FXN: variants seen among roughly 807,000 people sequenced by gnomAD.
FXN encodes the protein frataxin, mitochondrial.
Under a neutral mutation model 22.4 loss-of-function variants are expected in FXN, and 14 were observed. The ratio of observed to expected loss-of-function variants is 0.62; its 90% CI spans 0.41 to 0.98. FXN has a LOEUF of 0.98. Among genes scored for constraint, FXN ranks in the 50% least tolerant of loss-of-function variants. The pLI, the probability that FXN is intolerant of heterozygous loss-of-function variation, is 0.00. For synonymous variants in FXN, 120 were observed against 114.1 expected (o/e 1.05, Z -0.33); for missense variants, 267 against 268.4 (o/e 0.99, Z 0.04).
In FXN at chr9:69,072,623, G is replaced by A. The variant is rs143396368; in HGVS notation, c.494G>A (p.Arg165His). Residue 165 changes from arginine (R) to histidine (H), a missense_variant, in exon 5 of 5, where the codon CGT becomes CAT. By Grantham distance (29) the Arg-to-His change is conservative. Coordinates refer to ENST00000484259, the MANE Select transcript of FXN (RefSeq NM_000144.5). ...WLSSPSSGPK[R>H]YDWTGKNWVY... ...GTTTTGTCTTCCAGTGGACCTAAGC[G>A]TTATGACTGGACTGGGAAAAACTGG... 32 of 1,613,992 alleles carry A rather than the reference G, an allele frequency of 2.0e-5. No homozygotes were observed. Among genetic ancestry groups the A allele is most frequent in the Admixed American group, 5.0e-5 (3 of 60,004 alleles).
intron 3 of FXN, among the ~76,000 whole-genome samples, chr9:69,058,928 C>T (rs1417550119): frequency 6.6e-6 from 1 of 152,018 alleles, no homozygotes; most frequent in Non-Finnish European, 1.5e-5. Flanking sequence ...CTTAGCCGGG[C>T]GTGGTGGCAG....
chr9:69,056,685 A>C (rs1208888423), intron 3 of FXN, among the ~76,000 whole-genome samples: 1 of 151,948 alleles, frequency 6.6e-6, no homozygotes. Context: ...TGCTGAAACC[A>C]CTAAAAAGGA....
In FXN at chr9:69,074,352, A is replaced by G; in HGVS notation, c.*1590A>G. 2.0e-6 allele frequency: 2 copies of G among 985,250 alleles called. No homozygotes were observed. The highest frequency in any genetic ancestry group is 1.0e-3 in the Middle Eastern group (2 of 1,912). 61.0% of individuals were successfully genotyped at this position (985,250 alleles called of 1,614,324 possible). A position where few individuals can be genotyped will look rare whatever the true frequency, so the allele number is the denominator to read the frequency against. ...ATTCATGCAAAGTTATGCTCATGTT[A>G]TATTATTTTCTTACTTAAAGAAGGA... On this transcript the variant is annotated 3_prime_UTR_variant, in exon 5 of 5. Coordinates refer to ENST00000484259, the MANE Select transcript of FXN (RefSeq NM_000144.5).
intron 1 of FXN, among the ~76,000 whole-genome samples, chr9:69,043,110 G>A (rs1459621993): frequency 6.6e-6 from 1 of 152,164 alleles, no homozygotes; most frequent in Non-Finnish European, 1.5e-5. Context: ...AAAGATGTGT[G>A]CAGAGCGGCA....
intron 2 of FXN, among the ~76,000 whole-genome samples, chr9:69,052,789 G>A (rs1831877067): frequency 6.6e-6 from 1 of 151,726 alleles, no homozygotes; most frequent in Admixed American, 6.6e-5. Context: ...TTATCTGCCT[G>A]CCTCGGCCTC....
At position 69,075,133 on chromosome 9, in the gene FXN, G is replaced by C; in HGVS notation, c.*2371G>C. 4.1e-6 allele frequency: 4 copies of C among 985,304 alleles called. No individual in the cohort carries two copies. Among genetic ancestry groups the C allele is most frequent in the Non-Finnish European group, 4.8e-6 (4 of 829,944 alleles). 61.0% of individuals were successfully genotyped at this position (985,304 alleles called of 1,614,324 possible). ...TAGCTCTAATTGGTTTGATTATCTCGTTCCCAAGGCAGTGGGAGATCCCCA... is the reference window on the plus strand; with the variant it reads ...TAGCTCTAATTGGTTTGATTATCTCCTTCCCAAGGCAGTGGGAGATCCCCA... On this transcript the variant is annotated 3_prime_UTR_variant, in exon 5 of 5. Transcript: ENST00000484259.
chr9:69,050,872 C>T (rs1202036240), intron 2 of FXN, among the ~76,000 whole-genome samples: 1 of 152,098 alleles, frequency 6.6e-6, no homozygotes, highest in Non-Finnish European at 1.5e-5. Flanking sequence ...CCTCCGCCTC[C>T]TGGGTTCAAG....
rs761430705 is a variant in FXN at position 69,035,976 on chromosome 9, GGCCGCACGCCGCGGGCCGCAC to G, written c.165+40_165+60del. The G allele has an allele frequency of 1.3e-4, 185 of 1,414,804 alleles. 2 individuals are homozygous for G. The highest frequency in any genetic ancestry group is 2.8e-4 in the South Asian group (20 of 71,438). The allele number at this position is 1,414,804 out of a possible 1,614,324, so 87.6% of individuals were successfully genotyped here. ...AGTATCCGCGCCGGGAACAGCCGCG[GGCCGCACGCCGCGGGCCGCAC>G]GCCGCACGCCTGCGCAGGGAGGCGC... is the stretch of plus-strand genomic sequence containing the variant. On this transcript the variant is annotated intron_variant, in intron 1 of 4. Transcript: ENST00000484259.
chr9:69,053,254 C>A lies in FXN; in HGVS notation c.378C>A (p.Ser126=), dbSNP rs746185269. 5.6e-6 allele frequency: 9 copies of A among 1,613,434 alleles called. No individual in the cohort carries two copies. The highest frequency in any genetic ancestry group is 7.6e-6 in the Non-Finnish European group (9 of 1,179,730). ...ACACGTTTGAGGACTATGATGTCTC[C>A]TTTGGGGTACCTCTTGACTTCTTTT... The part of the protein sequence containing the change: ...KPYTFEDYDV[S]FGSGVLTVKL... Residue 126 remains serine, a synonymous_variant, in exon 3 of 5, where the codon TCC becomes TCA. Transcript: ENST00000484259.
At chr9:69,047,311 T>C in intron 2 of FXN, among the ~76,000 whole-genome samples, 1 of 135,684 alleles carries the variant, frequency 7.4e-6, no homozygotes. Context: ...TAGGAATGGC[T>C]TCTTCTGATC....
At chr9:69,071,864 AAAAAC>A (rs1685383559) in intron 4 of FXN, among the ~76,000 whole-genome samples, 1 of 152,256 alleles carries the variant, frequency 6.6e-6, no homozygotes, top group African/African-American at 2.4e-5. Flanking sequence ...TTTGAAAATA[AAAAAC>A]AAAACAAAAA....
chr9:69,065,109 A>G, intron 4 of FXN, 74 bp downstream of exon 4: 2 of 1,203,298 alleles, frequency 1.7e-6, no homozygotes, highest in Non-Finnish European at 1.2e-6. Context: ...TGGACCATTT[A>G]AGAAATGTCG....
chr9:69,041,985 G>A (rs1286264120), intron 1 of FXN, among the ~76,000 whole-genome samples: 1 of 152,148 alleles, frequency 6.6e-6, no homozygotes, highest in East Asian at 1.9e-4. Context: ...GCTTACGCCT[G>A]TAATCCCAGC....
intron 3 of FXN, among the ~76,000 whole-genome samples, chr9:69,060,931 A>G (rs1263861722): frequency 6.6e-6 from 1 of 152,182 alleles, no homozygotes; most frequent in Non-Finnish European, 1.5e-5. Context: ...GGGACAAGCA[A>G]GCAGTCAGGC....
chr9:69,042,852 C>T (rs529977725), intron 1 of FXN, among the ~76,000 whole-genome samples: 1 of 152,282 alleles, frequency 6.6e-6, no homozygotes, highest in Admixed American at 6.5e-5. Context: ...TGCTTTAATT[C>T]CTGGGAAAAC....
chr9:69,037,371 C>T (rs1831581736), intron 1 of FXN, among the ~76,000 whole-genome samples: 1 of 151,782 alleles, frequency 6.6e-6, no homozygotes, highest in African/African-American at 2.4e-5. Flanking sequence ...GAGGCTGCGG[C>T]AGGAGAATCG....
At chr9:69,039,250 C>T (rs1587814216) in intron 1 of FXN, among the ~76,000 whole-genome samples, 6 of 149,524 alleles carry the variant, frequency 4.0e-5, no homozygotes, top group African/African-American at 1.5e-4. Context: ...AGCGAGACTC[C>T]GTCTCAAAAA....
chr9:69,053,453 AG>A (rs1831892417), intron 3 of FXN, among the ~76,000 whole-genome samples, 193 bp downstream of exon 3: 1 of 151,454 alleles, frequency 6.6e-6, no homozygotes, highest in African/African-American at 2.4e-5. Context: ...CCTGGGTGAC[AG>A]AGCGAGACTC....
chr9:69,059,622 T>C (rs1490148644), intron 3 of FXN, among the ~76,000 whole-genome samples: 3 of 151,816 alleles, frequency 2.0e-5, no homozygotes, highest in Non-Finnish European at 4.4e-5. Flanking sequence ...GCCTGGCTGG[T>C]CTTGAACTCT....
Sources: gnomAD v4.1 joint callset for allele counts (sites outside exome capture counted in the v4.1 genomes callset) on GRCh38, gnomAD v4.1.1 for gene constraint, MANE v1.5 for transcripts, NCBI Gene and HGNC (gene_info 2026-07-23, HGNC 2026-07-21) for gene names.